KLHDC2: variants seen among roughly 807,000 people sequenced by gnomAD.
KLHDC2 encodes kelch domain containing 2.
In KLHDC2, 38 loss-of-function variants were observed where a neutral mutation model predicts 62.3. That is an observed-to-expected ratio of 0.61 (90% CI 0.47 to 0.80). The LOEUF (loss-of-function observed/expected upper bound fraction) is 0.80, where lower values mean the gene tolerates loss of function less well. Ranked by LOEUF, KLHDC2 falls within the 30% of genes least tolerant of loss-of-function variation. The probability of loss-of-function intolerance (pLI) is 0.00; values close to 1 mark genes in which losing one functional copy is unlikely to be tolerated. For synonymous variants in KLHDC2, 159 were observed against 161.0 expected (o/e 0.99, Z 0.09); for missense variants, 430 against 495.3 (o/e 0.87, Z 1.25).
At chr14:49,779,125 A>G (rs1889833440) in intron 6 of KLHDC2, among the ~76,000 whole-genome samples, 1 of 152,204 alleles carries the variant, frequency 6.6e-6, no homozygotes, top group African/African-American at 2.4e-5. Flanking sequence ...GAAATGCTCC[A>G]ATGAGCATTT....
chr14:49,782,701 C>A (rs1889963927), intron 12 of KLHDC2, 107 bp downstream of exon 12: 1 of 1,356,648 alleles, frequency 7.4e-7, no homozygotes, highest in Non-Finnish European at 1.0e-6. Flanking sequence ...AATAAAACTT[C>A]ATTGCTATAA....
chr14:49,782,628 TA>T, intron 12 of KLHDC2, 34 bp downstream of exon 12: 1 of 1,543,482 alleles, frequency 6.5e-7, no homozygotes, highest in Non-Finnish European at 8.8e-7. Context: ...TTAGATTATT[TA>T]AAATTGTGTT....
In KLHDC2 at chr14:49,785,213, A is replaced by AACTT; in HGVS notation, c.*2265_*2268dup. The AACTT allele has an allele frequency of 1.9e-6, 3 of 1,610,188 alleles. No individual in the cohort carries two copies. In the East Asian group the frequency reaches 6.7e-5, roughly 36 times the overall value. On this transcript the variant is annotated 3_prime_UTR_variant, in exon 13 of 13. Coordinates refer to ENST00000298307, the MANE Select transcript of KLHDC2 (RefSeq NM_014315.3). ...AAAAGCCATTCTGTCAACTAATGGT[A>AACTT]ACTTACTTGTAGTTTGTCATGGTGG...
rs769864407 is a variant in KLHDC2, at chr14:49,784,621, A to G, written c.*1668A>G. 6.3e-7 allele frequency: 1 copy of G among 1,582,978 alleles called. No homozygotes were observed. The highest frequency in any genetic ancestry group is 8.6e-7 in the Non-Finnish European group (1 of 1,156,746). On this transcript the variant is annotated 3_prime_UTR_variant, in exon 13 of 13. Transcript: ENST00000298307. ...AAAATTGGCTCTTCTCAAATATTTT[A>G]GAATTTCATTTCAGCTATTTCCTTT...
chr14:49,780,368 A>G, intron 9 of KLHDC2, 46 bp downstream of exon 9: 2 of 1,209,140 alleles, frequency 1.7e-6, no homozygotes, highest in South Asian at 1.2e-5. Flanking sequence ...TATATCATCC[A>G]TATCTAATAG....
intron 8 of KLHDC2, 34 bp from the exon 9 acceptor site, chr14:49,780,156 TAAAAATACAGTAGCTGCTTCTAA>T: frequency 8.7e-7 from 1 of 1,145,424 alleles, no homozygotes; most frequent in South Asian, 1.3e-5. Context: ...AAAGAAAACT[TAAAAATACAGTAGCTGCTTCTAA>T]ATGCAGATAT....
At chr14:49,776,211 T>C (rs1889769386) in intron 3 of KLHDC2, among the ~76,000 whole-genome samples, 1 of 152,186 alleles carries the variant, frequency 6.6e-6, no homozygotes, top group African/African-American at 2.4e-5. Context: ...CATTGAGCCA[T>C]ATGTATTTCA....
intron 3 of KLHDC2, among the ~76,000 whole-genome samples, chr14:49,776,351 T>G (rs996207985): frequency 5.3e-5 from 8 of 152,186 alleles, no homozygotes; most frequent in Admixed American, 5.2e-4. Flanking sequence ...GTTTTAAGTT[T>G]GACTGAATGG....
At chr14:49,770,830 A>T (rs1022875300) in intron 1 of KLHDC2, among the ~76,000 whole-genome samples, 5 of 152,172 alleles carry the variant, frequency 3.3e-5, no homozygotes, top group African/African-American at 1.2e-4. Flanking sequence ...AATTCTGCAT[A>T]AGGATTTAAT....
At position 49,783,202 on chromosome 14, in the gene KLHDC2, A is replaced by G. The variant is rs1012961401; in HGVS notation, c.*249A>G. The G allele has an allele frequency of 1.6e-5, 5 of 308,926 alleles. No individual in the cohort carries two copies. Among genetic ancestry groups the G allele is most frequent in the South Asian group, 1.0e-4 (1 of 9,570 alleles). 19.1% of individuals were successfully genotyped at this position (308,926 alleles called of 1,614,324 possible). The stretch of plus-strand genomic sequence containing the variant: ...TTTTACCCTGAAGAATGGTTGCTAC[A>G]TTTTCTTTTCAGTAACTTCAGGATA... On this transcript the variant is annotated 3_prime_UTR_variant, in exon 13 of 13. Coordinates refer to ENST00000298307, the MANE Select transcript of KLHDC2 (RefSeq NM_014315.3).
At chr14:49,778,145 G>C (rs1889811366) in intron 4 of KLHDC2, 33 bp from the exon 5 acceptor site, 2 of 1,424,842 alleles carry the variant, frequency 1.4e-6, no homozygotes, top group Non-Finnish European at 2.0e-6. Context: ...ATGGGTATTT[G>C]AATTTTTAGT....
chr14:49,782,423 G>A lies in KLHDC2; in HGVS notation c.1010G>A (p.Gly337Glu), dbSNP rs1304467262. Residue 337 changes from glycine (G) to glutamate (E), a missense_variant, in exon 11 of 13, where the codon GGA becomes GAA. Transcript: ENST00000298307. ...SDEGEVIVFG[G>E]CANNLLVHHR... Reference sequence around the variant, plus strand: ...GAAGGAGAAGTAATTGTTTTTGGTGGATGTGCCAACAACTTGCTTGTCCAT... The same window carrying A: ...GAAGGAGAAGTAATTGTTTTTGGTGAATGTGCCAACAACTTGCTTGTCCAT... 1 of 1,612,212 alleles carries A rather than the reference G, an allele frequency of 6.2e-7. No individual in the cohort carries two copies. The highest frequency in any genetic ancestry group is 8.5e-7 in the Non-Finnish European group (1 of 1,178,560).
chr14:49,768,899 G>C (rs1416003252), intron 1 of KLHDC2: 3 of 422,770 alleles, frequency 7.1e-6, no homozygotes, highest in Non-Finnish European at 1.3e-5. Flanking sequence ...CCATTGGAGC[G>C]TTATTCCGGG....
rs377743168 is a variant in KLHDC2, at chr14:49,780,261, A to G, written c.822A>G (p.Thr274=). ...TTGGTCGATCTTGGCACTCACTAACACCAGTTTCTTCAGATCATCTTTTTC... is the reference window on the plus strand; with the variant it reads ...TTGGTCGATCTTGGCACTCACTAACGCCAGTTTCTTCAGATCATCTTTTTC... ...CPVGRSWHSL[T]PVSSDHLFLF... is the part of the protein sequence containing the mutation. Residue 274 remains threonine, a synonymous_variant, in exon 9 of 13, where the codon ACA becomes ACG. Transcript: ENST00000298307. 100 of 1,613,768 alleles carry G rather than the reference A, an allele frequency of 6.2e-5. No homozygotes were observed. In the African/African-American group the frequency reaches 1.3e-3, roughly 20 times the overall value.
At chr14:49,769,314 G>T (rs1039532879) in intron 1 of KLHDC2, among the ~76,000 whole-genome samples, 7 of 152,208 alleles carry the variant, frequency 4.6e-5, no homozygotes, top group Non-Finnish European at 8.8e-5. Flanking sequence ...TTAGTTAGCA[G>T]TTTAAAGCCA....
chr14:49,779,541 G>A (rs1889843317), intron 6 of KLHDC2, 54 bp from the exon 7 acceptor site: 2 of 1,331,200 alleles, frequency 1.5e-6, no homozygotes, highest in South Asian at 1.2e-5. Flanking sequence ...AGTAGACATA[G>A]GTATTTTCCC....
rs1001815994 is a variant in KLHDC2, at chr14:49,768,191, C to T, written c.-278C>T. On this transcript the variant is annotated 5_prime_UTR_variant, in exon 1 of 13. Coordinates refer to ENST00000298307, the MANE Select transcript of KLHDC2 (RefSeq NM_014315.3). ...TAGGGAGCCGGCCCGACGCGGACCG[C>T]TTCCCTGCAGTGCCCCGAGTCCCGG... 3 of 284,328 alleles carry T rather than the reference C, an allele frequency of 1.1e-5. No homozygotes were observed. The highest frequency in any genetic ancestry group is 1.2e-4 in the East Asian group (2 of 16,080). The allele number at this position is 284,328 out of a possible 1,614,324, so 17.6% of individuals were successfully genotyped here.
Position 49,768,552 on chromosome 14 carries a change from C to T in KLHDC2, c.84C>T (p.Cys28=). 6.2e-7 allele frequency: 1 copy of T among 1,608,680 alleles called. No individual in the cohort carries two copies. Among genetic ancestry groups the T allele is most frequent in the Non-Finnish European group, 8.5e-7 (1 of 1,178,218 alleles). The change falls in exon 1 of 13, where the codon TGC becomes TGT. Residue 28 remains cysteine (C), a synonymous_variant. Transcript: ENST00000298307. The part of the protein sequence containing the change: ...FESYESMELA[C]PAERSGHVAV... ...GCTATGAGTCCATGGAGCTTGCCTG[C>T]CCCGCTGAGCGCAGCGGCCACGTAG...
chr14:49,785,902 A>AG lies in KLHDC2; in HGVS notation c.*2949_*2950insG, dbSNP rs1365690051. 4 of 153,162 alleles carry AG rather than the reference A, an allele frequency of 2.6e-5. No homozygotes were observed. Among genetic ancestry groups the AG allele is most frequent in the African/African-American group, 9.7e-5 (4 of 41,302 alleles). The allele number at this position is 153,162 out of a possible 1,614,324, so 9.5% of individuals were successfully genotyped here. ...GAGACCCTGTCTCAAAAAAAAAAAA[A>AG]AAAGGAAAAAAACTATTGGATATTA... On this transcript the variant is annotated 3_prime_UTR_variant, in exon 13 of 13. Transcript: ENST00000298307.
Sources: gnomAD v4.1 joint callset for allele counts (sites outside exome capture counted in the v4.1 genomes callset) on GRCh38, gnomAD v4.1.1 for gene constraint, MANE v1.5 for transcripts, NCBI Gene and HGNC (gene_info 2026-07-23, HGNC 2026-07-21) for gene names.